The following PACRG variants were observed in gnomAD, a reference collection of about 807,000 sequenced individuals.
The protein encoded by PACRG is parkin coregulated.
Under a neutral mutation model 29.7 loss-of-function variants are expected in PACRG, and 29 were observed. The ratio of observed to expected loss-of-function variants is 0.98; its 90% CI spans 0.73 to 1.33. The LOEUF is 1.33. PACRG is among the 40% of genes most tolerant of loss of function. PACRG has a pLI of 0.00. For missense variants in PACRG, 279 were observed against 316.2 expected, an observed-to-expected ratio of 0.88 and a Z score of 0.89; for synonymous variants, 116 against 118.7, an observed-to-expected ratio of 0.98 and a Z score of 0.15.
intron 1 of PACRG, among the ~76,000 whole-genome samples, chr6:162,782,946 A>AC (rs1471099642): frequency 2.6e-5 from 4 of 151,866 alleles, no homozygotes; most frequent in Non-Finnish European, 5.9e-5. Flanking sequence ...GGAAACTGAA[A>AC]CTCGTATGTT....
chr6:162,739,570 G>A (rs1050375802), intron 1 of PACRG, among the ~76,000 whole-genome samples: 3 of 151,934 alleles, frequency 2.0e-5, no homozygotes, highest in Non-Finnish European at 4.4e-5. Flanking sequence ...TCGGCCAGGC[G>A]TGGTTGCTCA....
chr6:163,139,506 T>C (rs541280869), intron 4 of PACRG, among the ~76,000 whole-genome samples: 63 of 152,252 alleles, frequency 4.1e-4, no homozygotes, highest in Non-Finnish European at 6.5e-4. Flanking sequence ...CACTGTCTAA[T>C]GGGTATCTGT....
intron 4 of PACRG, among the ~76,000 whole-genome samples, chr6:163,143,918 A>G (rs1423318485): frequency 6.6e-6 from 1 of 152,180 alleles, no homozygotes; most frequent in East Asian, 1.9e-4. Flanking sequence ...GATATTTTTC[A>G]TAATTGCGTA....
chr6:163,261,991 A>T (rs1469935858), intron 4 of PACRG, among the ~76,000 whole-genome samples: 2 of 152,188 alleles, frequency 1.3e-5, no homozygotes, highest in Non-Finnish European at 2.9e-5. Flanking sequence ...ATTTATCAGT[A>T]GTTTCTGTGT....
intron 4 of PACRG, among the ~76,000 whole-genome samples, chr6:163,304,382 G>A (rs556924406): frequency 5.3e-5 from 8 of 152,304 alleles, no homozygotes; most frequent in Non-Finnish European, 8.8e-5. Flanking sequence ...CCACAAGGTA[G>A]CAATTTACTT....
intron 1 of PACRG, among the ~76,000 whole-genome samples, chr6:162,735,291 G>T (rs983329928): frequency 2.6e-5 from 4 of 152,106 alleles, no homozygotes; most frequent in East Asian, 1.9e-4. Flanking sequence ...AGTCATGCTT[G>T]TTTGGCTTTA....
At chr6:163,075,926 C>A (rs1480216073) in intron 3 of PACRG, among the ~76,000 whole-genome samples, 1 of 152,140 alleles carries the variant, frequency 6.6e-6, no homozygotes, top group Middle Eastern at 3.2e-3. Context: ...GCTTAGGGAC[C>A]CAGCCTGATA....
intron 4 of PACRG, among the ~76,000 whole-genome samples, chr6:163,115,012 T>C (rs1287792927): frequency 6.6e-6 from 1 of 152,192 alleles, no homozygotes; most frequent in Non-Finnish European, 1.5e-5. Flanking sequence ...TCAACAAAGC[T>C]GGAAATAAAA....
intron 4 of PACRG, among the ~76,000 whole-genome samples, chr6:163,241,031 T>C (rs16894679): frequency 0.014 from 2,081 of 152,338 alleles, 43 homozygotes; most frequent in South Asian, 0.049. Flanking sequence ...CTCAAGTCTA[T>C]GTGACATATT....
intron 4 of PACRG, among the ~76,000 whole-genome samples, chr6:163,156,462 T>C (rs907453338): frequency 4.6e-5 from 7 of 151,916 alleles, no homozygotes; most frequent in African/African-American, 1.7e-4. Context: ...ATCTGAGCGG[T>C]CTCCCTACGA....
chr6:162,958,825 G>T (rs1048054977), intron 2 of PACRG, among the ~76,000 whole-genome samples: 46 of 140,320 alleles, frequency 3.3e-4, no homozygotes, highest in African/African-American at 1.1e-3. Context: ...CATATATAGA[G>T]TGTATATATA....
intron 4 of PACRG, among the ~76,000 whole-genome samples, chr6:163,146,735 A>G (rs1403253471): frequency 1.3e-5 from 2 of 152,174 alleles, no homozygotes; most frequent in Non-Finnish European, 2.9e-5. Context: ...TTTAAGTTCA[A>G]TCTGTTCTTG....
intron 2 of PACRG, among the ~76,000 whole-genome samples, chr6:162,929,805 A>G (rs1797717009): frequency 6.6e-6 from 1 of 151,978 alleles, no homozygotes; most frequent in African/African-American, 2.4e-5. Flanking sequence ...ACACATGTCC[A>G]GTTTTCCTAG....
chr6:163,218,271 C>T (rs1335652176), intron 4 of PACRG, among the ~76,000 whole-genome samples: 1 of 152,222 alleles, frequency 6.6e-6, no homozygotes, highest in Non-Finnish European at 1.5e-5. Flanking sequence ...GTGCAGTTAT[C>T]TAACACAGAT....
At chr6:163,145,851 C>A (rs559584686) in intron 4 of PACRG, among the ~76,000 whole-genome samples, 14 of 152,134 alleles carry the variant, frequency 9.2e-5, no homozygotes, top group Admixed American at 5.2e-4. Context: ...GGGGCACTGA[C>A]GCCTACCGGA....
chr6:162,859,756 G>A (rs188528076), intron 2 of PACRG, among the ~76,000 whole-genome samples: 31 of 152,088 alleles, frequency 2.0e-4, no homozygotes, highest in Non-Finnish European at 3.2e-4. Context: ...ACATTAGGTC[G>A]TACCCCCTTT....
intron 4 of PACRG, among the ~76,000 whole-genome samples, chr6:163,142,462 A>C (rs1218839812): frequency 6.6e-6 from 1 of 152,218 alleles, no homozygotes; most frequent in Non-Finnish European, 1.5e-5. Flanking sequence ...CATTAAAAAA[A>C]TGAATAAGTA....
At chr6:163,235,382 G>A (rs1461403877) in intron 4 of PACRG, among the ~76,000 whole-genome samples, 2 of 152,142 alleles carry the variant, frequency 1.3e-5, no homozygotes, top group African/African-American at 2.4e-5. Flanking sequence ...CCCATTGTAC[G>A]TAACTGCCTT....
intron 2 of PACRG, among the ~76,000 whole-genome samples, chr6:162,911,878 A>G (rs1315814354): frequency 6.6e-6 from 1 of 152,214 alleles, no homozygotes; most frequent in African/African-American, 2.4e-5. Context: ...AAAGTCCTGT[A>G]GAAAAAGTTG....
Sources: gnomAD v4.1 joint callset for allele counts (sites outside exome capture counted in the v4.1 genomes callset) on GRCh38, gnomAD v4.1.1 for gene constraint, MANE v1.5 for transcripts, NCBI Gene and HGNC (gene_info 2026-07-23, HGNC 2026-07-21) for gene names.